TENM3: variants seen among roughly 807,000 people sequenced by gnomAD.
TENM3 encodes the protein teneurin-3.
Under a neutral mutation model 255.1 loss-of-function variants are expected in TENM3, and 63 were observed. The ratio of observed to expected loss-of-function variants is 0.25; its 90% CI spans 0.20 to 0.30. The LOEUF (loss-of-function observed/expected upper bound fraction) is 0.30. TENM3 is among the 10% of genes least tolerant of loss of function. The probability of loss-of-function intolerance (pLI) is 1.00; values close to 1 mark genes in which losing one functional copy is unlikely to be tolerated. For synonymous variants in TENM3, 1,306 were observed against 1,322.3 expected (o/e 0.99, Z 0.27); for missense variants, 2,929 against 3,461.1 (o/e 0.85, Z 3.86).
At chr4:182,065,889 T>C in the TENM3 span, among the ~76,000 whole-genome samples, 5 of 152,216 alleles carry the variant, frequency 3.3e-5, no homozygotes, top group African/African-American at 1.2e-4. Context: ...AAGGTGGGCT[T>C]CAGCGCTGCT....
chr4:181,467,576 TA>T, the TENM3 span, among the ~76,000 whole-genome samples: 4 of 151,842 alleles, frequency 2.6e-5, no homozygotes, highest in African/African-American at 9.7e-5. Context: ...TTAAATAGAG[TA>T]AAAAATATTC....
chr4:181,480,615 C>T, the TENM3 span, among the ~76,000 whole-genome samples: 1 of 151,678 alleles, frequency 6.6e-6, no homozygotes, highest in South Asian at 2.1e-4. Context: ...AAGAAGTCCC[C>T]ACTTTTTGGT....
intron 5 of TENM3, among the ~76,000 whole-genome samples, chr4:182,651,623 G>C (rs912481641): frequency 6.6e-6 from 1 of 152,118 alleles, no homozygotes; most frequent in Non-Finnish European, 1.5e-5. Context: ...CTTGAACCCG[G>C]GAGACAGAGG....
intron 1 of TENM3, among the ~76,000 whole-genome samples, chr4:182,216,587 C>T (rs995278856): frequency 3.9e-5 from 6 of 152,220 alleles, no homozygotes; most frequent in Non-Finnish European, 5.9e-5. Context: ...AGGTGATGTA[C>T]GTGTGAGGAT....
intron 19 of TENM3, among the ~76,000 whole-genome samples, chr4:182,746,662 C>CA (rs1252885034): frequency 3.3e-5 from 5 of 152,120 alleles, no homozygotes; most frequent in Non-Finnish European, 7.4e-5. Flanking sequence ...AATTTGGTGT[C>CA]AGAGTTCAAA....
At chr4:181,477,828 A>G in the TENM3 span, among the ~76,000 whole-genome samples, 1 of 152,184 alleles carries the variant, frequency 6.6e-6, no homozygotes, top group African/African-American at 2.4e-5. Context: ...ATTCTGAATC[A>G]CGTGAATACT....
At chr4:182,434,590 G>A (rs543253460) in intron 3 of TENM3, among the ~76,000 whole-genome samples, 1 of 151,740 alleles carries the variant, frequency 6.6e-6, no homozygotes, top group Non-Finnish European at 1.5e-5. Flanking sequence ...TTGAACCCAG[G>A]AGGCAGAAGT....
At chr4:181,733,344 G>A in the TENM3 span, among the ~76,000 whole-genome samples, 1 of 152,122 alleles carries the variant, frequency 6.6e-6, no homozygotes, top group Non-Finnish European at 1.5e-5. Context: ...TTCAGGCTAT[G>A]TTTCTGAAAG....
chr4:182,792,393 C>T lies in TENM3; in HGVS notation c.5721C>T (p.Ser1907=). 6.2e-7 allele frequency: 1 copy of T among 1,614,052 alleles called. No homozygotes were observed. Among genetic ancestry groups the T allele is most frequent in the Non-Finnish European group, 8.5e-7 (1 of 1,179,906 alleles). The change falls in exon 26 of 28, where the codon TCC becomes TCT. Residue 1907 remains serine (S), a synonymous_variant. Transcript: ENST00000511685. This position sits in a 1 kb window ranked among gnomAD's most constrained non-coding sequence, Gnocchi z 6.3. ...GCCACACCATGCAGACCATCCGATC[C>T]ATTGGCTACTACCGCAACATATACA... ...VARHTMQTIR[S]IGYYRNIYNP... is the part of the protein sequence containing the mutation.
intron 1 of TENM3, among the ~76,000 whole-genome samples, chr4:182,219,418 G>A (rs1210481997): frequency 6.6e-6 from 1 of 152,064 alleles, no homozygotes; most frequent in Non-Finnish European, 1.5e-5. Flanking sequence ...ACCCATCACC[G>A]TAAGAGGCTG....
the TENM3 span, among the ~76,000 whole-genome samples, chr4:181,863,619 G>A: frequency 1.3e-4 from 20 of 152,218 alleles, no homozygotes; most frequent in Non-Finnish European, 2.6e-4. Flanking sequence ...TGGGTACCCA[G>A]TTCCCTTAAG....
intron 3 of TENM3, among the ~76,000 whole-genome samples, chr4:182,524,179 C>T (rs538405851): frequency 7.9e-5 from 12 of 152,160 alleles, no homozygotes; most frequent in Admixed American, 3.9e-4. Context: ...AAAGGAAGAA[C>T]GTGCTCACAA....
chr4:182,161,875 A>ATATATGTG (rs1164241459), intron 1 of TENM3, among the ~76,000 whole-genome samples: 2 of 8,346 alleles, frequency 2.4e-4, no homozygotes, highest in South Asian at 3.3e-3. Context: ...ATATATGTGT[A>ATATATGTG]TATATATACA....
At chr4:181,927,867 G>A in the TENM3 span, among the ~76,000 whole-genome samples, 3 of 152,170 alleles carry the variant, frequency 2.0e-5, no homozygotes, top group African/African-American at 7.2e-5. Context: ...AGCCTCGTCT[G>A]GTGATACCCA....
rs749784092 is a variant in TENM3 at position 182,688,206 on chromosome 4, G to A, written c.2076G>A (p.Met692Ile). The A allele has an allele frequency of 3.1e-6, 5 of 1,611,848 alleles. No individual in the cohort carries two copies. In the South Asian group the frequency reaches 4.4e-5, roughly 14 times the overall value. ...SVDCGSHGVC[M>I]GGTCRCEEGW... is the part of the protein sequence containing the mutation. Reference sequence around the variant, plus strand: ...ACTGTGGCTCACACGGCGTTTGCATGGGGGGGACGTGTCGCTGTGAAGAAG... The same window carrying A: ...ACTGTGGCTCACACGGCGTTTGCATAGGGGGGACGTGTCGCTGTGAAGAAG... The change falls in exon 12 of 28, where the codon ATG (methionine) becomes ATA (isoleucine). Residue 692 changes from methionine to isoleucine, a missense_variant. Met to Ile is a conservative substitution (Grantham distance 10). Around this residue, in one of 6 missense-constraint regions of TENM3, gnomAD observed 1,608 missense variants for 1,884.4 expected, o/e 0.85. Coordinates refer to ENST00000511685, the MANE Select transcript of TENM3 (RefSeq NM_001080477.4).
At chr4:181,594,821 C>T in the TENM3 span, among the ~76,000 whole-genome samples, 3 of 152,170 alleles carry the variant, frequency 2.0e-5, no homozygotes, top group South Asian at 6.2e-4. Flanking sequence ...TTCCCCAACA[C>T]CCACACACAT....
chr4:181,808,657 A>G, the TENM3 span, among the ~76,000 whole-genome samples: 7 of 152,338 alleles, frequency 4.6e-5, no homozygotes, highest in South Asian at 1.2e-3. Context: ...AAGAAATTGC[A>G]TGTGAAAATG....
At chr4:181,456,794 T>G in the TENM3 span, among the ~76,000 whole-genome samples, 385 of 152,052 alleles carry the variant, frequency 2.5e-3, 2 homozygotes, top group African/African-American at 9.1e-3. Flanking sequence ...GTACTAGAAA[T>G]TTTTACATTT....
chr4:182,754,864 A>G lies in TENM3; in HGVS notation c.4497A>G (p.Ser1499=). 6.2e-7 allele frequency: 1 copy of G among 1,614,038 alleles called. No homozygotes were observed. The highest frequency in any genetic ancestry group is 8.5e-7 in the Non-Finnish European group (1 of 1,179,906). Residue 1499 remains serine (S), a synonymous_variant, in exon 22 of 28, where the codon TCA becomes TCG. Transcript: ENST00000511685. The surrounding 1 kb of genome is among the most constrained non-coding windows in gnomAD (Gnocchi z 5.1). The part of the protein sequence containing the change: ...DLGNIRIRAV[S]KNKPLLNSMN... ...GGAATATCCGGATCCGGGCTGTGTCAAAGAATAAGCCTTTACTTAACTCTA... is the reference window on the plus strand; with the variant it reads ...GGAATATCCGGATCCGGGCTGTGTCGAAGAATAAGCCTTTACTTAACTCTA...
Sources: gnomAD v4.1 joint callset for allele counts (sites outside exome capture counted in the v4.1 genomes callset) on GRCh38, gnomAD v4.1.1 for gene constraint, gnomAD v4.1.1 regional missense constraint, Gnocchi (gnomAD v3.1) non-coding constraint, MANE v1.5 for transcripts, NCBI Gene and HGNC (gene_info 2026-07-23, HGNC 2026-07-21) for gene names.